The following EVI5L variants were observed in gnomAD, a reference collection of about 807,000 sequenced individuals.
EVI5L encodes EVI5-like protein.
A neutral mutation model predicts 106.1 loss-of-function variants in EVI5L; 30 were observed. That is an observed-to-expected ratio of 0.28 (90% confidence interval 0.21 to 0.38). The LOEUF is 0.38. EVI5L is among the 10% of genes least tolerant of loss of function. The pLI is 1.00. For synonymous variants in EVI5L, 489 were observed against 483.3 expected (o/e 1.01, Z -0.15); for missense variants, 809 against 1,098.0 (o/e 0.74, Z 3.72).
At position 7,849,339 on chromosome 19, in the gene EVI5L, C is replaced by A; in HGVS notation, c.627+9C>A. On this transcript the variant is annotated intron_variant, in intron 5 of 19. Transcript: ENST00000538904. Reference sequence around the variant, plus strand: ...GCCTGCTCCTCATGCAGGTAGGTGGCTGGGGGGTGGCTGGGCTCCTGCCAG... The same window carrying A: ...GCCTGCTCCTCATGCAGGTAGGTGGATGGGGGGTGGCTGGGCTCCTGCCAG... 1 of 1,613,786 alleles carries A rather than the reference C, an allele frequency of 6.2e-7. No individual in the cohort carries two copies. Among genetic ancestry groups the A allele is most frequent in the Non-Finnish European group, 8.5e-7 (1 of 1,179,966 alleles).
rs367736948 is a variant in EVI5L, at chr19:7,843,059, G to T, written c.-47-3437G>T. Among the ~76,000 whole-genome samples the T allele has an allele frequency of 6.6e-5, 10 of 151,126 alleles. 1 individual carries two copies. Among genetic ancestry groups the T allele is most frequent in the African/African-American group, 2.4e-4 (10 of 41,166 alleles). On this transcript the variant is annotated intron_variant, in intron 1 of 19. Transcript: ENST00000538904. Reference sequence around the variant, plus strand: ...GAGAGAATAGGCATGGCTGTGTGTCGAGTATGTGCATGTGTGTGTATAGGT... The same window carrying T: ...GAGAGAATAGGCATGGCTGTGTGTCTAGTATGTGCATGTGTGTGTATAGGT...
chr19:7,844,949 CAG>C (rs1262131545), intron 1 of EVI5L, among the ~76,000 whole-genome samples: 3 of 152,170 alleles, frequency 2.0e-5, no homozygotes, highest in African/African-American at 4.8e-5. Context: ...TGTAGGCCCT[CAG>C]GGGTTGGTTG....
chr19:7,833,280 G>C (rs753229841), intron 1 of EVI5L, among the ~76,000 whole-genome samples: 2 of 152,372 alleles, frequency 1.3e-5, no homozygotes, highest in Non-Finnish European at 2.9e-5. Context: ...AGGAATGTAA[G>C]ATGTGTACAA....
intron 10 of EVI5L, among the ~76,000 whole-genome samples, chr19:7,854,379 G>C (rs1433124372): frequency 6.6e-6 from 1 of 152,072 alleles, no homozygotes; most frequent in Non-Finnish European, 1.5e-5. Flanking sequence ...ACCAGTGATA[G>C]GAAGGGACAC....
chr19:7,842,159 T>A (rs1226940605), intron 1 of EVI5L, among the ~76,000 whole-genome samples: 1 of 151,724 alleles, frequency 6.6e-6, no homozygotes, highest in Non-Finnish European at 1.5e-5. Context: ...GTATGAGGTG[T>A]GTACTGTGTG....
chr19:7,851,195 C>A (rs896936133), intron 6 of EVI5L, among the ~76,000 whole-genome samples: 12 of 152,134 alleles, frequency 7.9e-5, no homozygotes, highest in Non-Finnish European at 1.2e-4. Context: ...GGGTGGGCCC[C>A]CAACACAGGC....
intron 1 of EVI5L, among the ~76,000 whole-genome samples, chr19:7,839,259 C>T (rs904361193): frequency 4.0e-5 from 6 of 148,906 alleles, no homozygotes; most frequent in African/African-American, 1.2e-4. Context: ...GCCGAGATCG[C>T]GCCACTGCAC....
At chr19:7,849,440 G>T in intron 5 of EVI5L, 110 bp downstream of exon 5, 1 of 1,188,722 alleles carries the variant, frequency 8.4e-7, no homozygotes, top group Non-Finnish European at 1.2e-6. Flanking sequence ...TCTTGCTAGG[G>T]GTAGATCCTC....
In EVI5L at chr19:7,850,295, A is replaced by C. The variant is rs990281405; in HGVS notation, c.753+173A>C. On this transcript the variant is annotated intron_variant, in intron 6 of 19. Coordinates refer to ENST00000538904, the MANE Select transcript of EVI5L (RefSeq NM_001159944.3). This position sits in a 1 kb window ranked among gnomAD's most constrained non-coding sequence, Gnocchi z 5.4. ...ATCACACCTGGACGTTCCAACTCCA[A>C]AAGGCACTCCTCTTTCCATGCAGCA... 6.6e-6 allele frequency among the ~76,000 whole-genome samples: 1 copy of C among 152,124 alleles called. No individual in the cohort carries two copies. The highest frequency in any genetic ancestry group is 1.5e-5 in the Non-Finnish European group (1 of 68,010).
Position 7,851,537 on chromosome 19 carries a change from T to G in EVI5L, c.857T>G (p.Leu286Arg). The G allele has an allele frequency of 6.2e-7, 1 of 1,612,524 alleles. No individual in the cohort carries two copies. The highest frequency in any genetic ancestry group is 8.5e-7 in the Non-Finnish European group (1 of 1,179,350). The change falls in exon 7 of 20, where the codon CTC becomes CGC. Residue 286 changes from leucine to arginine, a missense_variant. Leu to Arg is a moderately radical substitution (Grantham distance 102). Coordinates refer to ENST00000538904, the MANE Select transcript of EVI5L (RefSeq NM_001159944.3). ...ACACTGTTCCTGACCACCTTCCCACTCCCCGTCGCCACCCGGGTCTTTGAC... is the reference window on the plus strand; with the variant it reads ...ACACTGTTCCTGACCACCTTCCCACGCCCCGTCGCCACCCGGGTCTTTGAC... ...FLTLFLTTFP[L>R]PVATRVFDIF...
Position 7,856,354 on chromosome 19 carries a change from G to A in EVI5L, c.1200+286G>A, listed in dbSNP as rs941055974. ...CTGTGCCCTCCCCGGCTGCACAGAC[G>A]GGGAGGGGTGAGGAGGAGGGAGAAC... is the stretch of plus-strand genomic sequence containing the variant. On this transcript the variant is annotated intron_variant, in intron 11 of 19. Transcript: ENST00000538904. This position sits in a 1 kb window ranked among gnomAD's most constrained non-coding sequence, Gnocchi z 6.6. Among the ~76,000 whole-genome samples the A allele has an allele frequency of 1.3e-5, 2 of 152,070 alleles. No homozygotes were observed. Among genetic ancestry groups the A allele is most frequent in the Admixed American group, 6.6e-5 (1 of 15,264 alleles).
chr19:7,843,398 T>TGTGTGTATAG lies in EVI5L; in HGVS notation c.-47-3093_-47-3092insTATAGGTGTG, dbSNP rs1356458049. ...TGGGTGTGTCGAGTGTGTGCATAGG[T>TGTGTGTATAG]GTGTGAGTGTGAGAATAGGCATGGG... On this transcript the variant is annotated intron_variant, in intron 1 of 19. Coordinates refer to ENST00000538904, the MANE Select transcript of EVI5L (RefSeq NM_001159944.3). 5.3e-5 allele frequency among the ~76,000 whole-genome samples: 7 copies of TGTGTGTATAG among 131,794 alleles called. 1 individual carries two copies. Among genetic ancestry groups the TGTGTGTATAG allele is most frequent in the Admixed American group, 3.1e-4 (4 of 13,030 alleles). 86.5% of individuals were successfully genotyped at this position (131,794 alleles called of 152,430 possible).
intron 1 of EVI5L, among the ~76,000 whole-genome samples, chr19:7,837,226 G>C (rs1465582189): frequency 6.6e-6 from 1 of 151,820 alleles, no homozygotes; most frequent in Non-Finnish European, 1.5e-5. Flanking sequence ...AGCTACTTGG[G>C]AGGCTGAGGC....
intron 8 of EVI5L, among the ~76,000 whole-genome samples, chr19:7,852,591 G>A (rs1979309647): frequency 6.6e-6 from 1 of 150,722 alleles, no homozygotes; most frequent in East Asian, 2.0e-4. Flanking sequence ...TTGCTCTGTG[G>A]CCCAGGCTGG....
At position 7,843,210 on chromosome 19, in the gene EVI5L, T is replaced by A. The variant is rs371528673; in HGVS notation, c.-47-3286T>A. On this transcript the variant is annotated intron_variant, in intron 1 of 19. Coordinates refer to ENST00000538904, the MANE Select transcript of EVI5L (RefSeq NM_001159944.3). ...ATGTGTGTGTATAGGGGTGTGTGTG[T>A]GAGAATAAGCATGGGTGTGTGTCGA... Among the ~76,000 whole-genome samples, 437 of 146,210 alleles carry A rather than the reference T, an allele frequency of 3.0e-3. 1 individual carries two copies. The highest frequency in any genetic ancestry group is 0.011 in the African/African-American group (415 of 38,806).
intron 10 of EVI5L, among the ~76,000 whole-genome samples, chr19:7,854,438 C>A (rs538416924): frequency 2.0e-4 from 31 of 152,214 alleles, no homozygotes; most frequent in African/African-American, 7.2e-4. Flanking sequence ...GGGGCAGAGC[C>A]GCACAGTGGC....
At chr19:7,842,901 AGT>A (rs1255519834) in intron 1 of EVI5L, among the ~76,000 whole-genome samples, 2 of 150,466 alleles carry the variant, frequency 1.3e-5, no homozygotes, top group Non-Finnish European at 3.0e-5. Flanking sequence ...GTGTGTATTG[AGT>A]GTGTGCATGT....
intron 1 of EVI5L, among the ~76,000 whole-genome samples, chr19:7,842,067 G>C (rs1167783340): frequency 2.0e-5 from 3 of 152,154 alleles, no homozygotes; most frequent in Admixed American, 6.6e-5. Flanking sequence ...AAGAGTGTGT[G>C]TCAATGGGTA....
intron 13 of EVI5L, chr19:7,859,253 G>T (rs1366725474): frequency 1.3e-5 from 2 of 151,840 alleles, no homozygotes; most frequent in Non-Finnish European, 2.9e-5. Flanking sequence ...CCTGATCGCA[G>T]GGACCCCCAG....
Sources: allele counts gnomAD v4.1 joint callset (sites outside exome capture counted in the v4.1 genomes callset), GRCh38; gene constraint gnomAD v4.1.1; non-coding constraint Gnocchi (gnomAD v3.1); transcripts MANE v1.5; gene names NCBI Gene and HGNC (gene_info 2026-07-23, HGNC 2026-07-21).